Variants in UVRAG observed in about 807,000 individuals in gnomAD.
UVRAG encodes the protein UV radiation resistance-associated gene protein.
Under a neutral mutation model 78.0 loss-of-function variants are expected in UVRAG, and 19 were observed. The observed-to-expected ratio is 0.24, with a 90% CI of 0.17 to 0.36. The LOEUF is 0.36. UVRAG is among the 10% of genes least tolerant of loss of function. UVRAG has a pLI of 1.00. For synonymous variants in UVRAG, 323 were observed against 324.6 expected (o/e 1.00, Z 0.05); for missense variants, 740 against 853.8 (o/e 0.87, Z 1.66).
At chr11:76,109,169 G>C (rs1952025740) in intron 13 of UVRAG, among the ~76,000 whole-genome samples, 1 of 152,140 alleles carries the variant, frequency 6.6e-6, no homozygotes, top group Non-Finnish European at 1.5e-5. Context: ...AAAAATGAGA[G>C]CAGAAGGAGC....
In UVRAG at chr11:75,946,064, T is replaced by C. The variant is rs368788579; in HGVS notation, c.594-15380T>C. 9.8e-5 allele frequency among the ~76,000 whole-genome samples: 15 copies of C among 152,302 alleles called. No individual in the cohort carries two copies. In the East Asian group the frequency reaches 2.3e-3, roughly 24 times the overall value. On this transcript the variant is annotated intron_variant, in intron 6 of 14. Coordinates refer to ENST00000356136, the MANE Select transcript of UVRAG (RefSeq NM_003369.4). ...TTTGAGCATTATGAAGATAATGCTC[T>C]GATCTCTGTATTTTTATTACTTAAC... is the stretch of plus-strand genomic sequence containing the variant.
At chr11:76,122,613 G>A (rs17134575) in intron 14 of UVRAG, among the ~76,000 whole-genome samples, 14,881 of 152,218 alleles carry the variant, frequency 0.098, 1,702 homozygotes, top group African/African-American at 0.28. Context: ...ATCCTTTGCT[G>A]TAGGTGTTTT....
chr11:76,063,764 A>G (rs1445787438), intron 12 of UVRAG, among the ~76,000 whole-genome samples: 3 of 152,132 alleles, frequency 2.0e-5, no homozygotes, highest in Non-Finnish European at 4.4e-5. Flanking sequence ...TACTTTAATG[A>G]CCACATTCTT....
At chr11:76,100,686 G>A (rs1046129436) in intron 13 of UVRAG, among the ~76,000 whole-genome samples, 1 of 152,162 alleles carries the variant, frequency 6.6e-6, no homozygotes, top group Admixed American at 6.6e-5. Flanking sequence ...GGAGTTTGAT[G>A]TACACATTAT....
rs1946018937 is a variant in UVRAG at position 75,845,821 on chromosome 11, A to C, written c.118-6062A>C. On this transcript the variant is annotated intron_variant, in intron 1 of 14. Transcript: ENST00000356136. ...CCTGAGACATGCAGTTTACCCATAT[A>C]ACAAAACCTGTATATGTACCTCTTG... Among the ~76,000 whole-genome samples the C allele has an allele frequency of 2.0e-5, 3 of 152,166 alleles. No individual in the cohort carries two copies. The South Asian group carries it at 6.2e-4, about 32-fold the overall frequency.
chr11:75,913,524 T>C (rs904929990), intron 6 of UVRAG, among the ~76,000 whole-genome samples: 1 of 152,220 alleles, frequency 6.6e-6, no homozygotes, highest in African/African-American at 2.4e-5. Flanking sequence ...AGCAGTGATG[T>C]AACAAATTTG....
intron 10 of UVRAG, among the ~76,000 whole-genome samples, chr11:76,007,830 T>A (rs1949976535): frequency 6.6e-6 from 1 of 152,204 alleles, no homozygotes; most frequent in Admixed American, 6.5e-5. Flanking sequence ...GGTGGTGGGA[T>A]GCACTCATCA....
intron 6 of UVRAG, among the ~76,000 whole-genome samples, chr11:75,952,854 T>C (rs1340203941): frequency 2.0e-5 from 3 of 152,124 alleles, no homozygotes; most frequent in Non-Finnish European, 4.4e-5. Context: ...TTGATGCTAC[T>C]GGCATTTTAC....
intron 12 of UVRAG, among the ~76,000 whole-genome samples, chr11:76,018,048 A>C (rs954740028): frequency 6.6e-6 from 1 of 152,204 alleles, no homozygotes; most frequent in African/African-American, 2.4e-5. Flanking sequence ...ATGCATATAC[A>C]TAATAATATA....
intron 12 of UVRAG, among the ~76,000 whole-genome samples, chr11:76,023,174 C>T (rs1950276397): frequency 6.6e-6 from 1 of 152,002 alleles, no homozygotes; most frequent in South Asian, 2.1e-4. Flanking sequence ...TTTCTTTATA[C>T]AGCTTCAAGT....
rs1952432961 is a variant in UVRAG, at chr11:76,127,649, A to AAAATG, written c.1397+11636_1397+11637insATGAA. ...AACTCCGTCTCAAAAAAAAAAAAAA[A>AAAATG]AATGAATGAATGAATGAATCAATGA... On this transcript the variant is annotated intron_variant, in intron 14 of 14. Transcript: ENST00000356136. Among the ~76,000 whole-genome samples the AAAATG allele has an allele frequency of 4.6e-5, 7 of 150,812 alleles. No individual in the cohort carries two copies. The South Asian group carries it at 1.1e-3, about 23-fold the overall frequency.
intron 6 of UVRAG, among the ~76,000 whole-genome samples, chr11:75,958,097 G>T (rs916638811): frequency 2.0e-5 from 3 of 152,126 alleles, no homozygotes; most frequent in Non-Finnish European, 4.4e-5. Context: ...TGAACCTTCA[G>T]CAAGCCATAT....
At chr11:76,051,294 C>A (rs1950861688) in intron 12 of UVRAG, among the ~76,000 whole-genome samples, 1 of 150,976 alleles carries the variant, frequency 6.6e-6, no homozygotes, top group African/African-American at 2.4e-5. Flanking sequence ...TTGTGGGAAA[C>A]AGGTGCTGTT....
chr11:75,978,656 G>A (rs182879019), intron 7 of UVRAG, among the ~76,000 whole-genome samples: 41 of 152,076 alleles, frequency 2.7e-4, no homozygotes, highest in Non-Finnish European at 3.1e-4. Flanking sequence ...CCAGTTGATC[G>A]AATCGGCTAC....
chr11:75,843,287 C>T (rs535941861), intron 1 of UVRAG, among the ~76,000 whole-genome samples: 2 of 152,304 alleles, frequency 1.3e-5, no homozygotes, highest in Admixed American at 6.5e-5. Context: ...ATTGACCCTA[C>T]AGAAATGATC....
Position 75,861,798 on chromosome 11 carries a change from C to T in UVRAG, c.270+18C>T, listed in dbSNP as rs367569201. The T allele has an allele frequency of 9.8e-5, 157 of 1,601,804 alleles. 1 individual carries two copies. The South Asian group carries it at 1.3e-3, about 13-fold the overall frequency. ...ATTCCTTGGTAAGTTTGCTTTCTGACGGGTACATATGACTAAGTATATACA... is the reference window on the plus strand; with the variant it reads ...ATTCCTTGGTAAGTTTGCTTTCTGATGGGTACATATGACTAAGTATATACA... On this transcript the variant is annotated intron_variant, in intron 3 of 14. Coordinates refer to ENST00000356136, the MANE Select transcript of UVRAG (RefSeq NM_003369.4).
At chr11:76,093,639 T>A (rs1307946535) in intron 13 of UVRAG, among the ~76,000 whole-genome samples, 1 of 152,212 alleles carries the variant, frequency 6.6e-6, no homozygotes, top group African/African-American at 2.4e-5. Context: ...GGGAGTTCAC[T>A]CATGTTTTGG....
At chr11:75,845,244 C>A (rs576329842) in intron 1 of UVRAG, among the ~76,000 whole-genome samples, 3 of 152,252 alleles carry the variant, frequency 2.0e-5, no homozygotes, top group African/African-American at 7.2e-5. Context: ...AAATTAAAAT[C>A]CCCTATTCAG....
At chr11:76,016,721 T>A in intron 11 of UVRAG, 94 bp from the exon 12 acceptor site, 1 of 1,152,428 alleles carries the variant, frequency 8.7e-7, no homozygotes, top group Non-Finnish European at 1.1e-6. Context: ...GTACCACATA[T>A]TTTTATAAAA....
Sources: gnomAD v4.1 joint callset for allele counts (sites outside exome capture counted in the v4.1 genomes callset) on GRCh38, gnomAD v4.1.1 for gene constraint, MANE v1.5 for transcripts, NCBI Gene and HGNC (gene_info 2026-07-23, HGNC 2026-07-21) for gene names.